WHRN: variants seen among roughly 807,000 people sequenced by gnomAD.
WHRN encodes the protein whirlin, also known as CASK-interacting protein CIP98.
In WHRN, 41 loss-of-function variants were observed where a neutral mutation model predicts 68.3. That is an observed-to-expected ratio of 0.60 (90% CI 0.47 to 0.78). WHRN has a LOEUF of 0.78. Among genes scored for constraint, WHRN ranks in the 30% least tolerant of loss-of-function variants. WHRN has a pLI of 0.00. For synonymous variants in WHRN, 560 were observed against 561.3 expected (o/e 1.00, Z 0.03); for missense variants, 1,243 against 1,244.7 (o/e 1.00, Z 0.02).
At chr9:114,497,675 T>C (rs1402144406) in intron 1 of WHRN, among the ~76,000 whole-genome samples, 1 of 152,194 alleles carries the variant, frequency 6.6e-6, no homozygotes, top group East Asian at 1.9e-4. Context: ...CTTCTGGGGA[T>C]GTGGTTTGAA....
chr9:114,415,722 G>A (rs540406181), intron 7 of WHRN, among the ~76,000 whole-genome samples: 2 of 152,236 alleles, frequency 1.3e-5, no homozygotes, highest in Admixed American at 6.5e-5. Context: ...GCAGGCAGGA[G>A]ATGCTCCACA....
chr9:114,470,662 T>C (rs1317245115), intron 2 of WHRN, among the ~76,000 whole-genome samples: 2 of 152,070 alleles, frequency 1.3e-5, no homozygotes, highest in Admixed American at 6.5e-5. Context: ...GAGGACACAG[T>C]AGGCAGCTCC....
chr9:114,483,734 C>A (rs780899679), intron 1 of WHRN, among the ~76,000 whole-genome samples: 24 of 152,366 alleles, frequency 1.6e-4, no homozygotes, highest in Non-Finnish European at 3.2e-4. Context: ...TACTTCTCCC[C>A]TTGCTAGGTC....
At chr9:114,475,953 C>T (rs1260431415) in intron 2 of WHRN, among the ~76,000 whole-genome samples, 2 of 152,100 alleles carry the variant, frequency 1.3e-5, no homozygotes, top group African/African-American at 2.4e-5. Flanking sequence ...ATGATTCATG[C>T]AGCCTTCACC....
chr9:114,421,160 C>T (rs1410727114), intron 7 of WHRN, among the ~76,000 whole-genome samples: 1 of 152,210 alleles, frequency 6.6e-6, no homozygotes, highest in Non-Finnish European at 1.5e-5. Context: ...CACCCTATGG[C>T]CTTTCTGAGG....
intron 7 of WHRN, among the ~76,000 whole-genome samples, chr9:114,408,256 C>T (rs942738619): frequency 6.6e-6 from 1 of 152,138 alleles, no homozygotes; most frequent in African/African-American, 2.4e-5. Flanking sequence ...TCAGGCATCC[C>T]CTGAACTGCC....
chr9:114,469,944 T>A (rs2133020622), intron 2 of WHRN, among the ~76,000 whole-genome samples: 1 of 152,326 alleles, frequency 6.6e-6, no homozygotes, highest in East Asian at 1.9e-4. Context: ...GCACGGCATC[T>A]TCCAATCAGT....
chr9:114,411,350 C>A (rs10982205), intron 7 of WHRN, among the ~76,000 whole-genome samples: 1 of 152,136 alleles, frequency 6.6e-6, no homozygotes. Context: ...GCAGGAGGCA[C>A]AGAGAGGGGT....
chr9:114,435,183 A>G (rs1589132078), intron 3 of WHRN, among the ~76,000 whole-genome samples: 1 of 152,316 alleles, frequency 6.6e-6, no homozygotes, highest in South Asian at 2.1e-4. Flanking sequence ...AGATCGTACT[A>G]GACTACAGAC....
At chr9:114,475,199 G>C (rs566253853) in intron 2 of WHRN, among the ~76,000 whole-genome samples, 1 of 152,210 alleles carries the variant, frequency 6.6e-6, no homozygotes, top group South Asian at 2.1e-4. Context: ...TTTGAACCCA[G>C]GCAGCCTGGG....
intron 7 of WHRN, among the ~76,000 whole-genome samples, chr9:114,412,674 T>G (rs1294171047): frequency 1.3e-5 from 2 of 152,226 alleles, no homozygotes; most frequent in Non-Finnish European, 2.9e-5. Context: ...CAAATTCCCT[T>G]TTTTTCAGAG....
At chr9:114,415,273 T>TAAA (rs5900085) in intron 7 of WHRN, among the ~76,000 whole-genome samples, 11 of 145,374 alleles carry the variant, frequency 7.6e-5, no homozygotes, top group Middle Eastern at 3.6e-3. Context: ...CCCTATCTCT[T>TAAA]AAAAAAAAAA....
chr9:114,416,521 G>A (rs1835827644), intron 7 of WHRN, among the ~76,000 whole-genome samples: 1 of 152,152 alleles, frequency 6.6e-6, no homozygotes, highest in Non-Finnish European at 1.5e-5. Context: ...GCTTAAAAGT[G>A]TACAGGACTT....
At position 114,424,969 on chromosome 9, in the gene WHRN, C is replaced by T. The variant is rs1264771175; in HGVS notation, c.1203+19G>A. On this transcript the variant is annotated intron_variant, in intron 5 of 11. Transcript: ENST00000362057. Reference sequence around the variant, plus strand: ...GGAGCTGTGAGGAAGCAGAGAATACCCCTTAGAGGATGTCCTACCTTGTTT... The same window carrying T: ...GGAGCTGTGAGGAAGCAGAGAATACTCCTTAGAGGATGTCCTACCTTGTTT... The T allele has an allele frequency of 6.2e-6, 10 of 1,613,468 alleles. No individual in the cohort carries two copies. The highest frequency in any genetic ancestry group is 8.5e-6 in the Non-Finnish European group (10 of 1,179,638).
intron 3 of WHRN, among the ~76,000 whole-genome samples, chr9:114,455,879 C>T (rs1353597783): frequency 6.6e-6 from 1 of 152,122 alleles, no homozygotes; most frequent in Non-Finnish European, 1.5e-5. Flanking sequence ...CCAGACATCA[C>T]AGCTGAGCCT....
Position 114,466,403 on chromosome 9 carries a change from G to A in WHRN, c.838-11C>T, listed in dbSNP as rs370956148. ...CAGCACCAGGTTCACCTGTCAGAGG[G>A]AGAGGATAACATTAGAGGGACTGGA... On this transcript the variant is annotated splice_polypyrimidine_tract_variant and intron_variant, in intron 2 of 11. Transcript: ENST00000362057. The A allele has an allele frequency of 1.2e-6, 2 of 1,613,774 alleles. No homozygotes were observed. Among genetic ancestry groups the A allele is most frequent in the African/African-American group, 1.3e-5 (1 of 74,938 alleles).
chr9:114,505,031 C>T lies in WHRN; in HGVS notation c.-230G>A. The T allele has an allele frequency of 3.8e-6, 2 of 528,702 alleles. No individual in the cohort carries two copies. The highest frequency in any genetic ancestry group is 5.9e-6 in the Non-Finnish European group (2 of 338,450). 32.8% of individuals were successfully genotyped at this position (528,702 alleles called of 1,614,324 possible). ...GGTCGCGAACCTGGAATCCGGGGGA[C>T]GCGGAGACGTCGGCGGGTTCCTGAG... is the stretch of plus-strand genomic sequence containing the variant. On this transcript the variant is annotated 5_prime_UTR_variant, in exon 1 of 12. Coordinates refer to ENST00000362057, the MANE Select transcript of WHRN (RefSeq NM_015404.4).
At chr9:114,468,984 G>A (rs967514200) in intron 2 of WHRN, among the ~76,000 whole-genome samples, 16 of 152,326 alleles carry the variant, frequency 1.1e-4, no homozygotes, top group African/African-American at 3.8e-4. Flanking sequence ...CAACTTGCTA[G>A]GTATGTGGCC....
chr9:114,419,919 C>G (rs1048620440), intron 7 of WHRN, among the ~76,000 whole-genome samples: 2 of 152,086 alleles, frequency 1.3e-5, no homozygotes, highest in Admixed American at 1.3e-4. Flanking sequence ...AATAAGAACC[C>G]CTGGTCCCCA....
Sources: allele counts gnomAD v4.1 joint callset (sites outside exome capture counted in the v4.1 genomes callset), GRCh38; gene constraint gnomAD v4.1.1; transcripts MANE v1.5; gene names NCBI Gene and HGNC (gene_info 2026-07-23, HGNC 2026-07-21).